ADK: variants seen among roughly 807,000 people sequenced by gnomAD.
ADK encodes N6,N6-dimethyladenosine kinase.
Under a neutral mutation model 44.7 loss-of-function variants are expected in ADK, and 24 were observed. The ratio of observed to expected loss-of-function variants is 0.54; its 90% CI spans 0.39 to 0.76. The LOEUF (loss-of-function observed/expected upper bound fraction) is 0.76. ADK is among the 30% of genes least tolerant of loss of function. The probability of loss-of-function intolerance (pLI) is 0.00; values close to 1 mark genes in which losing one functional copy is unlikely to be tolerated. For missense variants in ADK, 321 were observed against 425.1 expected, an observed-to-expected ratio of 0.76 and a Z score of 2.15; for synonymous variants, 128 against 142.6, an observed-to-expected ratio of 0.90 and a Z score of 0.73.
intron 1 of ADK, among the ~76,000 whole-genome samples, chr10:74,167,160 TA>T (rs1347627809): frequency 4.6e-5 from 7 of 152,090 alleles, no homozygotes; most frequent in African/African-American, 1.4e-4. Flanking sequence ...TATTTTTAAT[TA>T]AAAAAATATA....
intron 7 of ADK, among the ~76,000 whole-genome samples, chr10:74,560,785 A>G (rs1188241646): frequency 2.0e-5 from 3 of 152,210 alleles, no homozygotes; most frequent in Non-Finnish European, 4.4e-5. Flanking sequence ...CTCATTCTAC[A>G]TACTGTTCTA....
intron 9 of ADK, among the ~76,000 whole-genome samples, chr10:74,650,211 G>A (rs1247694296): frequency 6.6e-6 from 1 of 152,092 alleles, no homozygotes; most frequent in African/African-American, 2.4e-5. Context: ...TTTGAGGTCT[G>A]GAGTTTGAGA....
intron 3 of ADK, among the ~76,000 whole-genome samples, chr10:74,232,706 A>G (rs578054346): frequency 6.6e-6 from 1 of 152,214 alleles, no homozygotes; most frequent in Non-Finnish European, 1.5e-5. Context: ...GCTCACTGCA[A>G]GCTCCACCTC....
chr10:74,283,944 T>G (rs1385302407), intron 3 of ADK, among the ~76,000 whole-genome samples: 4 of 151,824 alleles, frequency 2.6e-5, no homozygotes, highest in African/African-American at 7.3e-5. Context: ...CCTCCCAAAG[T>G]GCTGGGATTA....
At chr10:74,589,349 A>T in intron 8 of ADK, 32 bp downstream of exon 8, 1 of 1,610,898 alleles carries the variant, frequency 6.2e-7, no homozygotes, top group South Asian at 1.1e-5. Context: ...CACTAAACAG[A>T]TCCTAAAGGT....
At chr10:74,302,636 A>G (rs950438417) in intron 3 of ADK, among the ~76,000 whole-genome samples, 3 of 152,096 alleles carry the variant, frequency 2.0e-5, no homozygotes. Flanking sequence ...CTTAACAAAA[A>G]TATTTTAAAA....
chr10:74,338,414 G>T (rs1445134610), intron 4 of ADK, among the ~76,000 whole-genome samples: 3 of 152,080 alleles, frequency 2.0e-5, no homozygotes, highest in Non-Finnish European at 4.4e-5. Flanking sequence ...ATATTCCTGA[G>T]TATTTAACAT....
chr10:74,610,542 A>G (rs1332522567), intron 9 of ADK, among the ~76,000 whole-genome samples: 1 of 152,204 alleles, frequency 6.6e-6, no homozygotes, highest in African/African-American at 2.4e-5. Context: ...TGTATATTCA[A>G]CAATGCTTAA....
chr10:74,551,421 C>T (rs991376850), intron 7 of ADK: 1 of 152,592 alleles, frequency 6.6e-6, no homozygotes, highest in African/African-American at 2.4e-5. Context: ...GTATTTACAA[C>T]TAATTGATCA....
At chr10:74,325,238 T>C (rs1840965859) in intron 4 of ADK, among the ~76,000 whole-genome samples, 2 of 152,212 alleles carry the variant, frequency 1.3e-5, no homozygotes, top group South Asian at 4.1e-4. Flanking sequence ...TTTTAGCTAT[T>C]TTTATAGCTA....
chr10:74,272,469 C>G (rs566576196), intron 3 of ADK, among the ~76,000 whole-genome samples: 1 of 152,012 alleles, frequency 6.6e-6, no homozygotes, highest in Non-Finnish European at 1.5e-5. Context: ...GAGATGGGGT[C>G]TCACTATGTT....
chr10:74,284,521 C>A (rs748523079), intron 3 of ADK, among the ~76,000 whole-genome samples: 5 of 152,208 alleles, frequency 3.3e-5, no homozygotes, highest in Non-Finnish European at 5.9e-5. Context: ...GCTTCGGCCT[C>A]GCCAAGTGCT....
At chr10:74,364,371 CT>C (rs1180729777) in intron 4 of ADK, among the ~76,000 whole-genome samples, 1 of 152,200 alleles carries the variant, frequency 6.6e-6, no homozygotes, top group Non-Finnish European at 1.5e-5. Context: ...GTTCACACTT[CT>C]TTATCTCTGA....
chr10:74,525,126 C>G, intron 6 of ADK, 130 bp from the exon 7 acceptor site: 1 of 859,364 alleles, frequency 1.2e-6, no homozygotes, highest in Non-Finnish European at 1.8e-6. Context: ...TCAAATGTTG[C>G]TATTTTCTGC....
chr10:74,248,238 G>A (rs967760720), intron 3 of ADK, among the ~76,000 whole-genome samples: 1 of 152,174 alleles, frequency 6.6e-6, no homozygotes, highest in Non-Finnish European at 1.5e-5. Context: ...GAATCAGCTT[G>A]TTTGGAAGTA....
At chr10:74,498,760 G>A (rs1175893750) in intron 6 of ADK, among the ~76,000 whole-genome samples, 3 of 152,046 alleles carry the variant, frequency 2.0e-5, no homozygotes, top group South Asian at 4.1e-4. Flanking sequence ...CCACCTATGA[G>A]TGAGAACATG....
intron 9 of ADK, among the ~76,000 whole-genome samples, chr10:74,627,729 T>A (rs1853265017): frequency 6.6e-6 from 1 of 151,936 alleles, no homozygotes; most frequent in African/African-American, 2.4e-5. Flanking sequence ...GCCCCCTGGG[T>A]TAAAGCAATC....
intron 3 of ADK, among the ~76,000 whole-genome samples, chr10:74,276,526 A>G (rs552520943): frequency 2.0e-5 from 3 of 152,342 alleles, no homozygotes; most frequent in South Asian, 4.1e-4. Flanking sequence ...TTATAGTTCT[A>G]TAGGCCAGAA....
chr10:74,521,739 T>C (rs947126689), intron 6 of ADK, among the ~76,000 whole-genome samples: 1 of 152,204 alleles, frequency 6.6e-6, no homozygotes, highest in Non-Finnish European at 1.5e-5. Flanking sequence ...TTCGTTTTAA[T>C]TCTCCAAGTG....
Sources: allele counts gnomAD v4.1 joint callset (sites outside exome capture counted in the v4.1 genomes callset), GRCh38; gene constraint gnomAD v4.1.1; transcripts MANE v1.5; gene names NCBI Gene and HGNC (gene_info 2026-07-23, HGNC 2026-07-21).